The following CMIP variants were observed in gnomAD, a reference collection of about 807,000 sequenced individuals.
CMIP encodes c-Maf inducing protein.
CMIP carries 13 observed loss-of-function variants against 97.3 expected under a neutral mutation model. The ratio of observed to expected loss-of-function variants is 0.13; its 90% confidence interval spans 0.09 to 0.21. The LOEUF (loss-of-function observed/expected upper bound fraction) is 0.21. Ranked by LOEUF, CMIP falls within the 10% of genes least tolerant of loss-of-function variation. CMIP has a pLI of 1.00. For missense variants in CMIP, 847 were observed against 1,024.9 expected, an observed-to-expected ratio of 0.83 and a Z score of 2.37; for synonymous variants, 538 against 436.3, an observed-to-expected ratio of 1.23 and a Z score of -2.91.
intron 1 of CMIP, among the ~76,000 whole-genome samples, chr16:81,599,067 C>T (rs964157425): frequency 2.0e-5 from 3 of 151,414 alleles, no homozygotes; most frequent in Non-Finnish European, 4.4e-5. Flanking sequence ...GGTCAGTCGG[C>T]GTCTGGAGAA....
Position 81,580,158 on chromosome 16 carries a change from C to T in CMIP, c.301-27409C>T, listed in dbSNP as rs150545552. Among the ~76,000 whole-genome samples the T allele has an allele frequency of 1.2e-4, 19 of 152,292 alleles. No homozygotes were observed. The East Asian group carries it at 3.5e-3, about 28-fold the overall frequency. ...CCTGCTTAGCTGCCTTGACACCCTC[C>T]CTCAGCTCCCATTCCTAATCTCCAG... On this transcript the variant is annotated intron_variant, in intron 1 of 20. Transcript: ENST00000537098.
chr16:81,660,988 C>T, intron 6 of CMIP, 42 bp downstream of exon 6: 1 of 1,612,310 alleles, frequency 6.2e-7, no homozygotes, highest in Non-Finnish European at 8.5e-7. Flanking sequence ...CAGGAAGTAA[C>T]CTCCCTCTGT....
chr16:81,700,753 G>C, intron 15 of CMIP, among the ~76,000 whole-genome samples: 1 of 152,362 alleles, frequency 6.6e-6, no homozygotes, highest in Non-Finnish European at 1.5e-5. Context: ...GCGGAGGCTT[G>C]CTGGAGGCCA....
chr16:81,575,734 G>A (rs926452168), intron 1 of CMIP, among the ~76,000 whole-genome samples: 10 of 152,154 alleles, frequency 6.6e-5, no homozygotes, highest in African/African-American at 2.2e-4. Flanking sequence ...TGTGTGCTGG[G>A]CCCTGAAGAG....
intron 2 of CMIP, among the ~76,000 whole-genome samples, chr16:81,611,158 A>G (rs2091825495): frequency 6.6e-6 from 1 of 152,218 alleles, no homozygotes; most frequent in African/African-American, 2.4e-5. Flanking sequence ...CTACACCTCC[A>G]GTGGCCAGGG....
chr16:81,533,118 C>T (rs1030384296), intron 1 of CMIP, among the ~76,000 whole-genome samples: 7 of 152,218 alleles, frequency 4.6e-5, no homozygotes, highest in Admixed American at 3.9e-4. Context: ...TTTTATTTCT[C>T]GTTCCCTGAC....
At chr16:81,651,413 A>C in intron 3 of CMIP, 1 of 980,580 alleles carries the variant, frequency 1.0e-6, no homozygotes. Context: ...GCTTCGACAC[A>C]GCGCCCAAGC....
At chr16:81,660,055 G>C (rs1289901000) in intron 5 of CMIP, among the ~76,000 whole-genome samples, 1 of 151,944 alleles carries the variant, frequency 6.6e-6, no homozygotes, top group African/African-American at 2.4e-5. Context: ...TCATTCCATT[G>C]GCCAGGCAGT....
chr16:81,589,644 C>G (rs1454607260), intron 1 of CMIP, among the ~76,000 whole-genome samples: 1 of 152,228 alleles, frequency 6.6e-6, no homozygotes, highest in East Asian at 1.9e-4. Flanking sequence ...CCCTGAGCCC[C>G]TGCCATGGTC....
chr16:81,679,477 G>T (rs1286267730), intron 10 of CMIP, among the ~76,000 whole-genome samples: 6 of 152,142 alleles, frequency 3.9e-5, no homozygotes, highest in Non-Finnish European at 8.8e-5. Context: ...TCTTTGGGGT[G>T]TGAGTATCTG....
At chr16:81,571,429 C>T (rs1234528485) in intron 1 of CMIP, among the ~76,000 whole-genome samples, 4 of 151,946 alleles carry the variant, frequency 2.6e-5, no homozygotes. Context: ...GATCACGTCA[C>T]TGCATTCCAG....
At chr16:81,555,786 T>C (rs888143534) in intron 1 of CMIP, among the ~76,000 whole-genome samples, 1 of 152,166 alleles carries the variant, frequency 6.6e-6, no homozygotes, top group African/African-American at 2.4e-5. Context: ...CCGGGCTGGT[T>C]ATTGCCATTG....
chr16:81,576,802 C>T (rs560070294), intron 1 of CMIP, among the ~76,000 whole-genome samples: 3 of 152,204 alleles, frequency 2.0e-5, no homozygotes, highest in South Asian at 4.2e-4. Context: ...TTGAGATGTC[C>T]CAGTACCTCT....
intron 1 of CMIP, among the ~76,000 whole-genome samples, chr16:81,497,482 C>T (rs1485343741): frequency 2.0e-5 from 3 of 152,140 alleles, no homozygotes; most frequent in Admixed American, 6.5e-5. Flanking sequence ...GCTGGTGGCT[C>T]CCAGAAGGGT....
At chr16:81,490,198 A>C (rs1027329035) in intron 1 of CMIP, among the ~76,000 whole-genome samples, 1 of 152,178 alleles carries the variant, frequency 6.6e-6, no homozygotes, top group Non-Finnish European at 1.5e-5. Flanking sequence ...TTAGTAGTTA[A>C]TTCATTGGTT....
At chr16:81,636,596 A>G (rs1292542641) in intron 3 of CMIP, among the ~76,000 whole-genome samples, 1 of 149,920 alleles carries the variant, frequency 6.7e-6, no homozygotes, top group African/African-American at 2.5e-5. Context: ...AAAAAAAAAA[A>G]AAAAAGTATG....
At position 81,485,534 on chromosome 16, in the gene CMIP, C is replaced by G. The variant is rs568604357; in HGVS notation, c.300+39993C>G. On this transcript the variant is annotated intron_variant, in intron 1 of 20. Coordinates refer to ENST00000537098, the MANE Select transcript of CMIP (RefSeq NM_198390.3). ...ACAGTGTGGCCTGGGTGGAGAATTC[C>G]CATTCGGAAGACTGGAGGTAATTTC... 3.3e-5 allele frequency among the ~76,000 whole-genome samples: 5 copies of G among 152,306 alleles called. No homozygotes were observed. In the South Asian group the frequency reaches 8.3e-4, roughly 25 times the overall value.
intron 1 of CMIP, among the ~76,000 whole-genome samples, chr16:81,466,996 C>T (rs1269043891): frequency 2.0e-5 from 3 of 152,212 alleles, no homozygotes; most frequent in Non-Finnish European, 1.5e-5. Flanking sequence ...GTGACCAGAA[C>T]ATACAGGAAA....
chr16:81,463,897 A>G (rs544053184), intron 1 of CMIP: 2 of 152,340 alleles, frequency 1.3e-5, no homozygotes, highest in African/African-American at 4.8e-5. Flanking sequence ...GGTTCCACCT[A>G]AGGAAAAATG....
Sources: allele counts gnomAD v4.1 joint callset (sites outside exome capture counted in the v4.1 genomes callset), GRCh38; gene constraint gnomAD v4.1.1; transcripts MANE v1.5; gene names NCBI Gene and HGNC (gene_info 2026-07-23, HGNC 2026-07-21).